COL21A1: variants seen among roughly 807,000 people sequenced by gnomAD.
The protein encoded by COL21A1 is collagen alpha-1(XXI) chain.
COL21A1 carries 149 observed loss-of-function variants against 137.9 expected under a neutral mutation model. The observed-to-expected ratio is 1.08, with a 90% CI of 0.95 to 1.24. The LOEUF is 1.24. Among genes scored for constraint, COL21A1 ranks in the 50% most tolerant of loss-of-function variants. The pLI is 0.00. For synonymous variants in COL21A1, 456 were observed against 391.5 expected (o/e 1.16, Z -1.95); for missense variants, 1,167 against 1,158.4 (o/e 1.01, Z -0.11).
chr6:56,348,612 A>G (rs1350289736), intron 1 of COL21A1, among the ~76,000 whole-genome samples: 1 of 152,200 alleles, frequency 6.6e-6, no homozygotes, highest in African/African-American at 2.4e-5. Context: ...AGGGGAGACG[A>G]CAACTTGCTG....
chr6:56,299,586 C>CTT (rs2152337067), intron 1 of COL21A1, among the ~76,000 whole-genome samples: 1 of 152,084 alleles, frequency 6.6e-6, no homozygotes, highest in East Asian at 1.9e-4. Context: ...TATACAGACT[C>CTT]ATATGAAAAA....
At chr6:56,252,623 C>T (rs1782879866) in intron 1 of COL21A1, among the ~76,000 whole-genome samples, 5 of 152,126 alleles carry the variant, frequency 3.3e-5, no homozygotes, top group Admixed American at 3.3e-4. Context: ...TTTTCCTTTT[C>T]ATATATTAAT....
chr6:56,335,120 G>A (rs1390099693), intron 1 of COL21A1, among the ~76,000 whole-genome samples: 1 of 152,166 alleles, frequency 6.6e-6, no homozygotes, highest in African/African-American at 2.4e-5. Context: ...GATAGATGAT[G>A]CAAAAATGAG....
chr6:56,105,307 T>C (rs774790285), intron 16 of COL21A1, among the ~76,000 whole-genome samples: 3 of 152,194 alleles, frequency 2.0e-5, no homozygotes, highest in Non-Finnish European at 4.4e-5. Context: ...ATAAGAGCCT[T>C]TGTGAAAATG....
chr6:56,209,187 C>A (rs1026016726), intron 1 of COL21A1, among the ~76,000 whole-genome samples: 1 of 151,910 alleles, frequency 6.6e-6, no homozygotes, highest in Admixed American at 6.6e-5. Context: ...TAGAATAAAA[C>A]CTTGGCAATA....
chr6:56,188,706 A>T (rs560949996), intron 1 of COL21A1, among the ~76,000 whole-genome samples: 2 of 152,322 alleles, frequency 1.3e-5, no homozygotes, highest in Admixed American at 6.5e-5. Context: ...AGGGACCGAC[A>T]GACACCTCAT....
intron 1 of COL21A1, among the ~76,000 whole-genome samples, chr6:56,348,945 A>C (rs540847788): frequency 6.6e-6 from 1 of 152,314 alleles, no homozygotes; most frequent in East Asian, 1.9e-4. Flanking sequence ...GATGGGGTAA[A>C]AATTCAATGT....
chr6:56,239,972 G>A (rs1041860091), intron 1 of COL21A1, among the ~76,000 whole-genome samples: 2 of 152,054 alleles, frequency 1.3e-5, no homozygotes. Flanking sequence ...ATTGAATCAT[G>A]GGGATGATTT....
chr6:56,172,441 A>G (rs1777142906), intron 3 of COL21A1, among the ~76,000 whole-genome samples: 1 of 152,196 alleles, frequency 6.6e-6, no homozygotes, highest in Admixed American at 6.5e-5. Context: ...ACTGTTCTTC[A>G]AAAATGAAGG....
At chr6:56,103,762 A>G (rs1390748727) in intron 16 of COL21A1, among the ~76,000 whole-genome samples, 1 of 152,186 alleles carries the variant, frequency 6.6e-6, no homozygotes. Flanking sequence ...TATCTATAGC[A>G]GTGATTCTCA....
At chr6:56,101,582 A>G (rs1770462014) in intron 16 of COL21A1, 57 bp from the exon 17 acceptor site, 2 of 1,191,146 alleles carry the variant, frequency 1.7e-6, no homozygotes. Flanking sequence ...CTGCTTACCA[A>G]AATAACAATA....
chr6:56,157,234 T>G (rs1775825987), intron 9 of COL21A1, among the ~76,000 whole-genome samples: 1 of 152,122 alleles, frequency 6.6e-6, no homozygotes, highest in Non-Finnish European at 1.5e-5. Context: ...GGATACATTT[T>G]TAGAATTCTG....
intron 1 of COL21A1, among the ~76,000 whole-genome samples, chr6:56,203,131 A>G (rs1342264808): frequency 6.6e-6 from 1 of 152,318 alleles, no homozygotes; most frequent in East Asian, 1.9e-4. Context: ...AAACTAATAA[A>G]ACTTCTAAGA....
chr6:56,233,480 G>T (rs1311053031), intron 1 of COL21A1, among the ~76,000 whole-genome samples: 1 of 151,654 alleles, frequency 6.6e-6, no homozygotes, highest in African/African-American at 2.4e-5. Flanking sequence ...TAGTATCTTA[G>T]AAAATTAAAA....
intron 1 of COL21A1, among the ~76,000 whole-genome samples, chr6:56,259,308 G>C (rs1462395745): frequency 6.6e-6 from 1 of 152,062 alleles, no homozygotes; most frequent in Non-Finnish European, 1.5e-5. Flanking sequence ...TTAGACTACT[G>C]AGTGCCTTCC....
chr6:56,153,843 G>A (rs1300787097), intron 10 of COL21A1, among the ~76,000 whole-genome samples: 1 of 152,098 alleles, frequency 6.6e-6, no homozygotes, highest in Non-Finnish European at 1.5e-5. Context: ...TCACCTGTAA[G>A]AGAGCCCTGT....
intron 1 of COL21A1, among the ~76,000 whole-genome samples, chr6:56,330,038 C>A (rs1361277751): frequency 6.6e-6 from 1 of 152,084 alleles, no homozygotes; most frequent in Admixed American, 6.6e-5. Context: ...TTCAATATAA[C>A]CTCTATTAGA....
chr6:56,144,382 T>C (rs1774674630), intron 10 of COL21A1, among the ~76,000 whole-genome samples: 1 of 152,166 alleles, frequency 6.6e-6, no homozygotes, highest in South Asian at 2.1e-4. Flanking sequence ...TTTGCAAGAC[T>C]ATTTTTAAAT....
chr6:56,097,996 A>AT (rs1769656632), intron 17 of COL21A1, among the ~76,000 whole-genome samples: 1 of 4,068 alleles, frequency 2.5e-4, no homozygotes, highest in Non-Finnish European at 4.7e-4. Context: ...TATATATGTA[A>AT]ATATATAAAT....
Sources: allele counts gnomAD v4.1 joint callset (sites outside exome capture counted in the v4.1 genomes callset), GRCh38; gene constraint gnomAD v4.1.1; transcripts MANE v1.5; gene names NCBI Gene and HGNC (gene_info 2026-07-23, HGNC 2026-07-21).